The following HIBCH variants were observed in gnomAD, a reference collection of about 807,000 sequenced individuals.
The protein encoded by HIBCH is 3-hydroxyisobutyryl-CoA hydrolase.
HIBCH carries 50 observed loss-of-function variants against 58.2 expected under a neutral mutation model. The ratio of observed to expected loss-of-function variants is 0.86; its 90% CI spans 0.68 to 1.09. The LOEUF is 1.09. Ranked by LOEUF, HIBCH falls within the 50% of genes least tolerant of loss-of-function variation. The pLI is 0.00. For synonymous variants in HIBCH, 151 were observed against 146.9 expected (o/e 1.03, Z -0.20); for missense variants, 450 against 449.7 (o/e 1.00, Z -0.01).
rs550707809 is a variant in HIBCH at position 190,216,850 on chromosome 2, G to C, written c.892-3775C>G. Among the ~76,000 whole-genome samples the C allele has an allele frequency of 6.6e-6, 1 of 152,286 alleles. No homozygotes were observed. The highest frequency in any genetic ancestry group is 2.1e-4 in the South Asian group (1 of 4,820). On this transcript the variant is annotated intron_variant, in intron 11 of 13. Coordinates refer to ENST00000359678, the MANE Select transcript of HIBCH (RefSeq NM_014362.4). This position sits in a 1 kb window ranked among gnomAD's most constrained non-coding sequence, Gnocchi z 4.2. Reference sequence around the variant, plus strand: ...GCTGGGGGAGGATCCCTGCAGCTGAGGAGGAGGAAAAGCCACTAAGTCCCC... The same window carrying C: ...GCTGGGGGAGGATCCCTGCAGCTGACGAGGAGGAAAAGCCACTAAGTCCCC...
intron 11 of HIBCH, among the ~76,000 whole-genome samples, chr2:190,227,832 TG>T (rs1685956369): frequency 6.6e-6 from 1 of 151,996 alleles, no homozygotes. Flanking sequence ...ATCAGAGAAA[TG>T]TAAATCAAAA....
At chr2:190,272,761 G>C (rs1234788217) in intron 6 of HIBCH, among the ~76,000 whole-genome samples, 1 of 152,086 alleles carries the variant, frequency 6.6e-6, no homozygotes, top group Non-Finnish European at 1.5e-5. Context: ...CCTTAATGGG[G>C]GGGCAGGGAG....
rs141820891 is a variant in HIBCH, at chr2:190,291,120, TA to T, written c.305-636del. On this transcript the variant is annotated intron_variant, in intron 4 of 13. Coordinates refer to ENST00000359678, the MANE Select transcript of HIBCH (RefSeq NM_014362.4). ...ATACATTTCCTTTGGTAATATGTCT[TA>T]ATACAAAATGTATTATACGTGTGTG... Among the ~76,000 whole-genome samples the T allele has an allele frequency of 2.0e-3, 307 of 152,370 alleles. 4 individuals are homozygous for T. In the East Asian group the frequency reaches 0.048, roughly 24 times the overall value.
intron 1 of HIBCH, among the ~76,000 whole-genome samples, chr2:190,191,485 C>G (rs974066222): frequency 1.3e-5 from 2 of 152,130 alleles, no homozygotes; most frequent in Non-Finnish European, 2.9e-5. Flanking sequence ...TTTCATGTAT[C>G]TAGGGTAAAT....
rs765112867 is a variant in HIBCH, at chr2:190,261,211, C to T, written c.462G>A (p.Gly154=). The T allele has an allele frequency of 1.9e-6, 3 of 1,613,276 alleles. No homozygotes were observed. Among genetic ancestry groups the T allele is most frequent in the Middle Eastern group, 3.3e-4 (2 of 6,056 alleles). ...ACTTTTCTGTAGCCACTCGAAATTG[C>T]CCATGGACTGAGAGACCAACTCCCT... ...MGGGVGLSVH[G]QFRVATEKCL... The change falls in exon 7 of 14, where the codon GGG becomes GGA. Residue 154 remains glycine (G), a synonymous_variant. Transcript: ENST00000359678.
At chr2:190,221,796 G>C (rs1685727083) in intron 11 of HIBCH, among the ~76,000 whole-genome samples, 1 of 152,184 alleles carries the variant, frequency 6.6e-6, no homozygotes, top group Non-Finnish European at 1.5e-5. Context: ...CTTGACTTCA[G>C]AGGGATGGCT....
chr2:190,300,060 A>G (rs1688221212), intron 2 of HIBCH, among the ~76,000 whole-genome samples: 1 of 152,058 alleles, frequency 6.6e-6, no homozygotes, highest in Non-Finnish European at 1.5e-5. Flanking sequence ...TCTTTATCCA[A>G]TCTGCTACTG....
At chr2:190,272,186 T>C (rs1687418070) in intron 6 of HIBCH, among the ~76,000 whole-genome samples, 1 of 152,218 alleles carries the variant, frequency 6.6e-6, no homozygotes, top group Admixed American at 6.6e-5. Flanking sequence ...TACCCCATAT[T>C]TGCCTGTTTG....
chr2:190,240,316 G>C (rs1231888357), intron 11 of HIBCH, among the ~76,000 whole-genome samples: 3 of 152,158 alleles, frequency 2.0e-5, no homozygotes, highest in African/African-American at 7.2e-5. Context: ...TCTGATGGTA[G>C]TTTGCATTTC....
chr2:190,280,722 A>G (rs1198854343), intron 6 of HIBCH, among the ~76,000 whole-genome samples: 1 of 152,200 alleles, frequency 6.6e-6, no homozygotes, highest in Non-Finnish European at 1.5e-5. Context: ...GCCACTGCAC[A>G]TGTGGACAGC....
intron 3 of HIBCH, 102 bp from the exon 4 acceptor site, chr2:190,294,732 A>G: frequency 1.3e-6 from 1 of 782,012 alleles, no homozygotes; most frequent in Non-Finnish European, 2.2e-6. Context: ...TCATATACAT[A>G]TGTGTTTGTG....
At chr2:190,263,435 A>C (rs1006805693) in intron 6 of HIBCH, among the ~76,000 whole-genome samples, 3 of 151,894 alleles carry the variant, frequency 2.0e-5, no homozygotes, top group Admixed American at 2.0e-4. Flanking sequence ...TTACTCTTTC[A>C]TTTCTCCCTG....
chr2:190,243,023 G>C lies in HIBCH; in HGVS notation c.891+1864C>G, dbSNP rs1686498952. Among the ~76,000 whole-genome samples, 1 of 152,122 alleles carries C rather than the reference G, an allele frequency of 6.6e-6. No individual in the cohort carries two copies. ...TGTGTATGGGTTCAAGTTGACAAGG[G>C]GTGGACTTGTGATGGTGAATACTGA... On this transcript the variant is annotated intron_variant, in intron 11 of 13. Coordinates refer to ENST00000359678, the MANE Select transcript of HIBCH (RefSeq NM_014362.4). The surrounding 1 kb of genome is among the most constrained non-coding windows in gnomAD (Gnocchi z 4.1).
intron 11 of HIBCH, among the ~76,000 whole-genome samples, chr2:190,230,779 T>C (rs1036610161): frequency 1.3e-5 from 2 of 152,214 alleles, no homozygotes; most frequent in Non-Finnish European, 2.9e-5. Flanking sequence ...AAAATTTGTA[T>C]CTTAAATTTA....
chr2:190,263,430 C>T (rs1687148556), intron 6 of HIBCH, among the ~76,000 whole-genome samples: 1 of 152,122 alleles, frequency 6.6e-6, no homozygotes, highest in Non-Finnish European at 1.5e-5. Context: ...ATTAGTTACT[C>T]TTTCATTTCT....
chr2:190,308,007 A>G (rs1575764359), intron 2 of HIBCH, among the ~76,000 whole-genome samples: 1 of 152,302 alleles, frequency 6.6e-6, no homozygotes, highest in Non-Finnish European at 1.5e-5. Flanking sequence ...ATGAAATAAA[A>G]AGGATCTCTC....
intron 11 of HIBCH, among the ~76,000 whole-genome samples, chr2:190,239,889 A>G (rs1686400880): frequency 6.6e-6 from 1 of 152,112 alleles, no homozygotes; most frequent in African/African-American, 2.4e-5. Context: ...AACTTGAGTG[A>G]TCTGCCCGCT....
At chr2:190,200,469 C>A, downstream of HIBCH, 1 of 220,028 alleles carries the variant, frequency 4.5e-6, no homozygotes, top group Non-Finnish European at 9.9e-6. Context: ...AAAAACTGCC[C>A]CAAATTCCAA....
At chr2:190,314,954 C>T (rs1224128027) in intron 1 of HIBCH, among the ~76,000 whole-genome samples, 1 of 145,788 alleles carries the variant, frequency 6.9e-6, no homozygotes, top group Non-Finnish European at 1.5e-5. Flanking sequence ...CTCTCCGCTC[C>T]TTTTTTTTTT....
Sources: gnomAD v4.1 joint callset for allele counts (sites outside exome capture counted in the v4.1 genomes callset) on GRCh38, gnomAD v4.1.1 for gene constraint, Gnocchi (gnomAD v3.1) non-coding constraint, MANE v1.5 for transcripts, NCBI Gene and HGNC (gene_info 2026-07-23, HGNC 2026-07-21) for gene names.